The following GABRB3 variants were observed in gnomAD, a reference collection of about 807,000 sequenced individuals.
The protein encoded by GABRB3 is gamma-aminobutyric acid type A receptor subunit beta3.
A neutral mutation model predicts 52.1 loss-of-function variants in GABRB3; 14 were observed. The ratio of observed to expected loss-of-function variants is 0.27; its 90% CI spans 0.18 to 0.42. The LOEUF is 0.42. GABRB3 is among the 10% of genes least tolerant of loss of function. The pLI, the probability that GABRB3 is intolerant of heterozygous loss-of-function variation, is 1.00. For missense variants in GABRB3, 307 were observed against 609.1 expected (o/e 0.50, Z 5.22); for synonymous variants, 260 against 232.3 (o/e 1.12, Z -1.08).
intron 3 of GABRB3, among the ~76,000 whole-genome samples, chr15:26,665,475 A>C (rs1887681400): frequency 6.6e-6 from 1 of 152,282 alleles, no homozygotes; most frequent in Non-Finnish European, 1.5e-5. Flanking sequence ...GTATCTTTTA[A>C]ATAGCTGTAG....
intron 3 of GABRB3, among the ~76,000 whole-genome samples, chr15:26,750,549 T>C (rs1475183017): frequency 8.9e-6 from 1 of 112,600 alleles, no homozygotes; most frequent in East Asian, 2.9e-4. Context: ...CGAGGCATGC[T>C]CAGTTAAATA....
At chr15:26,586,397 A>AACACACACACACACACACACAC (rs56386894) in intron 4 of GABRB3, among the ~76,000 whole-genome samples, 1,823 of 138,046 alleles carry the variant, frequency 0.013, 54 homozygotes, top group African/African-American at 0.025. Context: ...AACCACCCCT[A>AACACACACACACACACACACAC]ACACACACAC....
chr15:26,582,154 G>A (rs899831703), intron 5 of GABRB3, among the ~76,000 whole-genome samples: 2 of 152,208 alleles, frequency 1.3e-5, no homozygotes, highest in African/African-American at 4.8e-5. Flanking sequence ...CACATGGAGA[G>A]AACCTCTTCT....
chr15:26,760,809 G>GCACACACACA (rs10522762), intron 3 of GABRB3, among the ~76,000 whole-genome samples: 49,037 of 149,102 alleles, frequency 0.33, 8,263 homozygotes, highest in South Asian at 0.38. Context: ...ACACGCGCAC[G>GCACACACACA]CACACACACA....
intron 3 of GABRB3, among the ~76,000 whole-genome samples, chr15:26,668,503 A>G (rs1259264255): frequency 2.6e-5 from 4 of 151,776 alleles, no homozygotes; most frequent in Non-Finnish European, 5.9e-5. Context: ...CCTCATACAT[A>G]CAGTTTTCCC....
rs565918130 is a variant in GABRB3, at chr15:26,595,696, T to C, written c.462-12282A>G. ...TTGGATGGTAATCTGCCATTCTGAC[T>C]TCTGATTAACCCCTGTTCCAGGAAT... On this transcript the variant is annotated intron_variant, in intron 4 of 8. Transcript: ENST00000311550. 3.3e-5 allele frequency among the ~76,000 whole-genome samples: 5 copies of C among 152,314 alleles called. No homozygotes were observed. The South Asian group carries it at 6.2e-4, about 19-fold the overall frequency.
intron 3 of GABRB3, among the ~76,000 whole-genome samples, chr15:26,671,977 CA>C (rs1336509226): frequency 6.6e-6 from 1 of 152,072 alleles, no homozygotes; most frequent in East Asian, 1.9e-4. Context: ...TATATATCAA[CA>C]AATGGTTTCA....
intron 3 of GABRB3, among the ~76,000 whole-genome samples, chr15:26,639,942 T>C (rs924877707): frequency 6.6e-6 from 1 of 151,950 alleles, no homozygotes; most frequent in African/African-American, 2.4e-5. Flanking sequence ...CCAACAAGAG[T>C]TGTGAATGGA....
chr15:26,707,716 A>G (rs1010548845), intron 3 of GABRB3, among the ~76,000 whole-genome samples: 3 of 152,326 alleles, frequency 2.0e-5, no homozygotes, highest in South Asian at 2.1e-4. Context: ...ACCCAATCGT[A>G]TAAGTGTGAA....
intron 3 of GABRB3, among the ~76,000 whole-genome samples, chr15:26,688,939 T>G (rs1489363278): frequency 6.6e-6 from 1 of 152,252 alleles, no homozygotes; most frequent in Non-Finnish European, 1.5e-5. Context: ...AAGCCCCATT[T>G]TCTTATGCAG....
At chr15:26,605,608 T>G (rs1204387567) in intron 4 of GABRB3, among the ~76,000 whole-genome samples, 1 of 152,166 alleles carries the variant, frequency 6.6e-6, no homozygotes, top group Non-Finnish European at 1.5e-5. Context: ...TGAATGAGAT[T>G]CTGTCATTTG....
chr15:26,643,808 C>T (rs1304392529), intron 3 of GABRB3, among the ~76,000 whole-genome samples: 34 of 152,198 alleles, frequency 2.2e-4, no homozygotes, highest in Admixed American at 2.0e-3. Flanking sequence ...GACAATAAGA[C>T]ACTGTCAGGA....
intron 8 of GABRB3, chr15:26,557,705 A>G (rs185493744): frequency 1.3e-5 from 2 of 152,358 alleles, no homozygotes; most frequent in East Asian, 3.9e-4. Context: ...GTACCGATCT[A>G]CAATACAGAT....
intron 3 of GABRB3, among the ~76,000 whole-genome samples, chr15:26,678,496 G>A (rs775464602): frequency 2.9e-4 from 44 of 151,910 alleles, no homozygotes; most frequent in Non-Finnish European, 5.0e-4. Context: ...GAGAAAGCAC[G>A]AGAAAGAAAG....
chr15:26,576,326 A>G (rs1219414358), intron 6 of GABRB3, among the ~76,000 whole-genome samples: 1 of 152,206 alleles, frequency 6.6e-6, no homozygotes, highest in African/African-American at 2.4e-5. Context: ...CCTCTTTATA[A>G]TGTTTTCAGA....
intron 3 of GABRB3, among the ~76,000 whole-genome samples, chr15:26,742,542 G>A (rs1024879274): frequency 6.6e-6 from 1 of 152,172 alleles, no homozygotes; most frequent in Non-Finnish European, 1.5e-5. Context: ...TGTGTCTAAT[G>A]TTTTCACCCA....
At chr15:26,709,578 C>T (rs1195285314) in intron 3 of GABRB3, among the ~76,000 whole-genome samples, 4 of 134,120 alleles carry the variant, frequency 3.0e-5, no homozygotes, top group African/African-American at 5.7e-5. Flanking sequence ...AGTGCAGTGG[C>T]GCCATCTCAG....
intron 3 of GABRB3, among the ~76,000 whole-genome samples, chr15:26,731,983 ATGGACAGATGGACGCG>A (rs1344002400): frequency 1.3e-5 from 2 of 152,204 alleles, no homozygotes; most frequent in African/African-American, 4.8e-5. Context: ...AGCCAGATGG[ATGGACAGATGGACGCG>A]TGGACAGATG....
chr15:26,726,927 G>A (rs1309361560), intron 3 of GABRB3, among the ~76,000 whole-genome samples: 2 of 152,156 alleles, frequency 1.3e-5, no homozygotes, highest in Non-Finnish European at 2.9e-5. Flanking sequence ...TTGGGAGACC[G>A]AGGCAGGCGG....
Sources: allele counts gnomAD v4.1 joint callset (sites outside exome capture counted in the v4.1 genomes callset), GRCh38; gene constraint gnomAD v4.1.1; transcripts MANE v1.5; gene names NCBI Gene and HGNC (gene_info 2026-07-23, HGNC 2026-07-21).